The following PLAGL1 variants were observed in gnomAD, a reference collection of about 807,000 sequenced individuals.
PLAGL1 encodes the protein zinc finger protein PLAGL1.
PLAGL1 carries 1 observed loss-of-function variant against 4.6 expected under a neutral mutation model. That is an observed-to-expected ratio of 0.22 (90% CI 0.08 to 1.03). PLAGL1 has a LOEUF of 1.03. Ranked by LOEUF, PLAGL1 falls within the 50% of genes least tolerant of loss-of-function variation. PLAGL1 has a pLI of 0.58. For missense variants in PLAGL1, 464 were observed against 570.4 expected, an observed-to-expected ratio of 0.81 and a Z score of 1.90; for synonymous variants, 240 against 237.8, an observed-to-expected ratio of 1.01 and a Z score of -0.08.
At position 144,050,474 on chromosome 6, in the gene PLAGL1, C is replaced by A. The variant is rs1415632120; in HGVS notation, c.-151+13994G>T. Among the ~76,000 whole-genome samples the A allele has an allele frequency of 6.6e-6, 1 of 152,162 alleles. No individual in the cohort carries two copies. Among genetic ancestry groups the A allele is most frequent in the African/African-American group, 2.4e-5 (1 of 41,446 alleles). ...TCTTCTGTCTGAGGAGAGAAAGATTCTTCTACACTCTTTTAAGGCTGTCTC... is the reference window on the plus strand; with the variant it reads ...TCTTCTGTCTGAGGAGAGAAAGATTATTCTACACTCTTTTAAGGCTGTCTC... On this transcript the variant is annotated intron_variant, in intron 1 of 3. Coordinates refer to the PLAGL1 transcript ENST00000437412. This position sits in a 1 kb window ranked among gnomAD's most constrained non-coding sequence, Gnocchi z 4.3.
chr6:143,950,721 T>A lies in PLAGL1; in HGVS notation c.-324-2261A>T, dbSNP rs752718541. ...TCTCACCTACTTAACACCCTGCATA[T>A]ACACTTTTCTCAACTTATCTCAGTA... On this transcript the variant is annotated intron_variant, in intron 6 of 7. Transcript: ENST00000674357. The surrounding 1 kb of genome is among the most constrained non-coding windows in gnomAD (Gnocchi z 6.3). 6.6e-6 allele frequency among the ~76,000 whole-genome samples: 1 copy of A among 152,182 alleles called. No individual in the cohort carries two copies.
At position 144,030,049 on chromosome 6, in the gene PLAGL1, C is replaced by T. The variant is rs552097512; in HGVS notation, c.-151+34419G>A. On this transcript the variant is annotated intron_variant, in intron 1 of 3. Coordinates refer to the PLAGL1 transcript ENST00000437412. Reference sequence around the variant, plus strand: ...CGGGAGGATCATGAGGTCAGGAGATCGAGACCATCCTGGTTAACACGGTGA... The same window carrying T: ...CGGGAGGATCATGAGGTCAGGAGATTGAGACCATCCTGGTTAACACGGTGA... Among the ~76,000 whole-genome samples the T allele has an allele frequency of 9.2e-4, 140 of 151,938 alleles. 2 individuals are homozygous for T. Among genetic ancestry groups the T allele is most frequent in the Middle Eastern group, 3.4e-3 (1 of 294 alleles).
intron 1 of PLAGL1, among the ~76,000 whole-genome samples, chr6:144,018,745 A>G (rs1395387204): frequency 6.6e-6 from 1 of 152,234 alleles, no homozygotes; most frequent in Non-Finnish European, 1.5e-5. Flanking sequence ...ATCACCAGTA[A>G]TGCCACAAAT....
Position 143,970,357 on chromosome 6 carries a change from A to G in PLAGL1, c.-543-1379T>C, listed in dbSNP as rs903110955. ...AGTAAACATTTAAACTACTGAAAAT[A>G]TACTAAGTATTTTAACAACCTCATT... On this transcript the variant is annotated intron_variant, in intron 2 of 7. Transcript: ENST00000674357. This position sits in a 1 kb window ranked among gnomAD's most constrained non-coding sequence, Gnocchi z 5.8. Among the ~76,000 whole-genome samples the G allele has an allele frequency of 6.6e-6, 1 of 152,250 alleles. No individual in the cohort carries two copies. Among genetic ancestry groups the G allele is most frequent in the African/African-American group, 2.4e-5 (1 of 41,480 alleles).
At position 143,983,872 on chromosome 6, in the gene PLAGL1, A is replaced by G. The variant is rs562210243; in HGVS notation, c.-544+1263T>C. On this transcript the variant is annotated intron_variant, in intron 2 of 7. Coordinates refer to ENST00000674357, the MANE Select transcript of PLAGL1 (RefSeq NM_001317162.2). This position sits in a 1 kb window ranked among gnomAD's most constrained non-coding sequence, Gnocchi z 6.6. ...TAGGCCCACAGTATGACTATGGGAG[A>G]AAGTTGCTAATGTGGTTTGGAAGAC... 6.6e-6 allele frequency among the ~76,000 whole-genome samples: 1 copy of G among 152,088 alleles called. No individual in the cohort carries two copies. Among genetic ancestry groups the G allele is most frequent in the Non-Finnish European group, 1.5e-5 (1 of 67,960 alleles).
At chr6:143,969,582 T>C (rs9376801) in intron 2 of PLAGL1, among the ~76,000 whole-genome samples, 108,080 of 151,222 alleles carry the variant, frequency 0.71, 38,999 homozygotes, top group East Asian at 0.87. Flanking sequence ...GGCAGGAGTT[T>C]GAGACCAGCC....
chr6:143,989,689 T>A lies in PLAGL1; in HGVS notation c.-583-4515A>T, dbSNP rs890467586. 6.6e-6 allele frequency among the ~76,000 whole-genome samples: 1 copy of A among 152,146 alleles called. No individual in the cohort carries two copies. ...ATCAGGGTCAATTCTTTGTAATCAATCTCTCTTTCTCTCTCCATATATGTA... is the reference window on the plus strand; with the variant it reads ...ATCAGGGTCAATTCTTTGTAATCAAACTCTCTTTCTCTCTCCATATATGTA... On this transcript the variant is annotated intron_variant, in intron 1 of 7. Transcript: ENST00000674357. The surrounding 1 kb of genome is among the most constrained non-coding windows in gnomAD (Gnocchi z 4.8).
At position 143,972,363 on chromosome 6, in the gene PLAGL1, T is replaced by C. The variant is rs1356434999; in HGVS notation, c.-543-3385A>G. 1.3e-5 allele frequency among the ~76,000 whole-genome samples: 2 copies of C among 152,204 alleles called. No homozygotes were observed. The highest frequency in any genetic ancestry group is 4.8e-5 in the African/African-American group (2 of 41,444). On this transcript the variant is annotated intron_variant, in intron 2 of 7. Transcript: ENST00000674357. The surrounding 1 kb of genome is among the most constrained non-coding windows in gnomAD (Gnocchi z 6.8). ...GGCTGGGGGCCAAAGGAAGAAGCCA[T>C]AAATTCTTCCTGGGAAATCAAGCAA...
In PLAGL1 at chr6:144,005,007, T is replaced by G. The variant is rs1427632489; in HGVS notation, c.-584+3083A>C. ...AACTCTACAGAGAGATTATATATAA[T>G]CTATATATAAAGTGTATGTGTATAT... is the stretch of plus-strand genomic sequence containing the variant. On this transcript the variant is annotated intron_variant, in intron 1 of 7. Coordinates refer to ENST00000674357, the MANE Select transcript of PLAGL1 (RefSeq NM_001317162.2). This position sits in a 1 kb window ranked among gnomAD's most constrained non-coding sequence, Gnocchi z 4.6. The G allele has an allele frequency of 2.0e-5, 3 of 149,860 alleles. No homozygotes were observed. The highest frequency in any genetic ancestry group is 3.0e-5 in the Non-Finnish European group (2 of 67,548). The allele number at this position is 149,860 out of a possible 1,614,324, so 9.3% of individuals were successfully genotyped here. A position where few individuals can be genotyped will look rare whatever the true frequency, so the allele number is the denominator to read the frequency against.
rs1489780569 is a variant in PLAGL1, at chr6:144,048,868, A to G, written c.-151+15600T>C. Reference sequence around the variant, plus strand: ...AGAAAATAGGTTTTTCTTTTCTACTACAAGGTCGGGATGCATATTTTCCAA... The same window carrying G: ...AGAAAATAGGTTTTTCTTTTCTACTGCAAGGTCGGGATGCATATTTTCCAA... On this transcript the variant is annotated intron_variant, in intron 1 of 3. Coordinates refer to the PLAGL1 transcript ENST00000437412. The surrounding 1 kb of genome is among the most constrained non-coding windows in gnomAD (Gnocchi z 4.8). Among the ~76,000 whole-genome samples, 1 of 152,212 alleles carries G rather than the reference A, an allele frequency of 6.6e-6. No homozygotes were observed. Among genetic ancestry groups the G allele is most frequent in the Admixed American group, 6.5e-5 (1 of 15,282 alleles).
intron 1 of PLAGL1, among the ~76,000 whole-genome samples, chr6:143,991,832 C>T (rs1456518994): frequency 2.0e-5 from 3 of 152,214 alleles, no homozygotes; most frequent in African/African-American, 7.2e-5. Flanking sequence ...CTGTTATATG[C>T]AGTACCTAGA....
chr6:144,054,647 T>C (rs972064032), intron 1 of PLAGL1, among the ~76,000 whole-genome samples: 10 of 151,034 alleles, frequency 6.6e-5, no homozygotes, highest in East Asian at 5.8e-4. Flanking sequence ...ACCTAATGCA[T>C]GCAGGGCTTA....
chr6:144,042,386 C>A (rs555203029), intron 1 of PLAGL1, among the ~76,000 whole-genome samples: 5 of 152,210 alleles, frequency 3.3e-5, no homozygotes, highest in South Asian at 2.1e-4. Flanking sequence ...TCAGCTTTCT[C>A]CATATGGCTA....
chr6:144,015,842 T>C lies in PLAGL1; in HGVS notation c.-150-46864A>G, dbSNP rs1455784689. On this transcript the variant is annotated intron_variant, in intron 1 of 3. Coordinates refer to the PLAGL1 transcript ENST00000437412. This position sits in a 1 kb window ranked among gnomAD's most constrained non-coding sequence, Gnocchi z 4.3. ...TGAAAGTTTCTTATAAAGTTAAACA[T>C]ACTCTTATTATATGACCCAGCAATC... 6.6e-6 allele frequency among the ~76,000 whole-genome samples: 1 copy of C among 152,204 alleles called. No homozygotes were observed. The highest frequency in any genetic ancestry group is 1.5e-5 in the Non-Finnish European group (1 of 68,032).
At position 143,949,544 on chromosome 6, in the gene PLAGL1, A is replaced by G. The variant is rs946589562; in HGVS notation, c.-324-1084T>C. Among the ~76,000 whole-genome samples the G allele has an allele frequency of 1.3e-5, 2 of 151,574 alleles. No individual in the cohort carries two copies. Among genetic ancestry groups the G allele is most frequent in the South Asian group, 2.1e-4 (1 of 4,798 alleles). Reference sequence around the variant, plus strand: ...GACAGCAGGTTTCAAATCGGCCTCTACCTGCCACTACCTGCCAGGGTAAAG... The same window carrying G: ...GACAGCAGGTTTCAAATCGGCCTCTGCCTGCCACTACCTGCCAGGGTAAAG... On this transcript the variant is annotated intron_variant, in intron 6 of 7. Coordinates refer to ENST00000674357, the MANE Select transcript of PLAGL1 (RefSeq NM_001317162.2). The surrounding 1 kb of genome is among the most constrained non-coding windows in gnomAD (Gnocchi z 5.3).
At chr6:144,052,103 A>G (rs904041623) in intron 1 of PLAGL1, among the ~76,000 whole-genome samples, 14 of 152,216 alleles carry the variant, frequency 9.2e-5, no homozygotes, top group Non-Finnish European at 2.1e-4. Context: ...CTTTACTCAG[A>G]TACTATTTTT....
In PLAGL1 at chr6:143,984,437, T is replaced by C. The variant is rs1289927199; in HGVS notation, c.-544+698A>G. On this transcript the variant is annotated intron_variant, in intron 2 of 7. Transcript: ENST00000674357. The surrounding 1 kb of genome is among the most constrained non-coding windows in gnomAD (Gnocchi z 5.5). The stretch of plus-strand genomic sequence containing the variant: ...ACTCAGCTTTTTTCCCAAATTTAAA[T>C]GACCATATGCTCATTTTCCATATAA... 6.6e-6 allele frequency among the ~76,000 whole-genome samples: 1 copy of C among 152,134 alleles called. No homozygotes were observed. The highest frequency in any genetic ancestry group is 1.5e-5 in the Non-Finnish European group (1 of 68,020).
intron 1 of PLAGL1, among the ~76,000 whole-genome samples, chr6:143,992,322 A>G (rs1225125247): frequency 6.6e-6 from 1 of 152,240 alleles, no homozygotes; most frequent in African/African-American, 2.4e-5. Context: ...GTACAATCAC[A>G]GGCTTGAGTC....
intron 6 of PLAGL1, among the ~76,000 whole-genome samples, chr6:143,956,581 T>C: frequency 6.6e-6 from 1 of 152,218 alleles, no homozygotes; most frequent in East Asian, 1.9e-4. Flanking sequence ...CTTTTGGTTA[T>C]CTCTTCTACT....
Sources: allele counts gnomAD v4.1 joint callset (sites outside exome capture counted in the v4.1 genomes callset), GRCh38; gene constraint gnomAD v4.1.1; non-coding constraint Gnocchi (gnomAD v3.1); transcripts MANE v1.5; gene names NCBI Gene and HGNC (gene_info 2026-07-23, HGNC 2026-07-21).